Variants in MPV17L observed in about 807,000 individuals in gnomAD.
The protein encoded by MPV17L is mpv17-like protein.
In MPV17L, 24 loss-of-function variants were observed where a neutral mutation model predicts 25.8. The ratio of observed to expected loss-of-function variants is 0.93; its 90% CI spans 0.67 to 1.31. The LOEUF is 1.31. Ranked by LOEUF, MPV17L falls within the 50% of genes most tolerant of loss-of-function variation. The pLI is 0.00. For missense variants in MPV17L, 250 were observed against 265.6 expected (o/e 0.94, Z 0.41); for synonymous variants, 102 against 115.3 (o/e 0.88, Z 0.74).
intron 1 of MPV17L, among the ~76,000 whole-genome samples, chr16:15,398,698 C>T (rs1369162490): frequency 2.0e-5 from 3 of 151,094 alleles, no homozygotes; most frequent in African/African-American, 7.3e-5. Context: ...AAGCGATTCT[C>T]CTGCCTCTCC....
At position 15,397,450 on chromosome 16, in the gene MPV17L, T is replaced by TC. The variant is rs1210516972; in HGVS notation, c.310+1244dup. On this transcript the variant is annotated intron_variant, in intron 1 of 3. Transcript: ENST00000396385. ...GTCAGGAGGCTGTAAAACAGGCTGA[T>TC]CGCTCAAGTTGGTTAAATTCTTGTC... Among the ~76,000 whole-genome samples, 5 of 152,268 alleles carry TC rather than the reference T, an allele frequency of 3.3e-5. No individual in the cohort carries two copies. The East Asian group carries it at 9.7e-4, about 29-fold the overall frequency.
At chr16:15,407,532 G>A (rs1027935557) in intron 2 of MPV17L, among the ~76,000 whole-genome samples, 6 of 151,822 alleles carry the variant, frequency 4.0e-5, no homozygotes, top group Non-Finnish European at 8.8e-5. Context: ...ACCTGAGGTC[G>A]GGAGTTCGAG....
chr16:15,397,803 G>C (rs539343350), intron 1 of MPV17L, among the ~76,000 whole-genome samples: 1 of 121,688 alleles, frequency 8.2e-6, no homozygotes, highest in South Asian at 2.4e-4. Flanking sequence ...CCACCTGGTT[G>C]CCTGTTGTCA....
intron 2 of MPV17L, among the ~76,000 whole-genome samples, chr16:15,404,458 G>C (rs551871277): frequency 6.6e-6 from 1 of 152,296 alleles, no homozygotes; most frequent in South Asian, 2.1e-4. Flanking sequence ...CACTTTGGGA[G>C]GCTGAAGCAG....
In MPV17L at chr16:15,407,861, C is replaced by G. The variant is rs763391285; in HGVS notation, c.411+8C>G. ...TACTGGCCCTTTGTACAGGTAAGTT[C>G]CACCTACTCAGTAATATGAACTCAG... On this transcript the variant is annotated splice_region_variant and intron_variant, in intron 3 of 3. Transcript: ENST00000396385. The G allele has an allele frequency of 5.6e-6, 9 of 1,612,630 alleles. No individual in the cohort carries two copies. Among genetic ancestry groups the G allele is most frequent in the Non-Finnish European group, 7.6e-6 (9 of 1,179,816 alleles).
chr16:15,408,437 A>C lies in MPV17L; in HGVS notation c.*325A>C, dbSNP rs939982708. The C allele has an allele frequency of 4.9e-6, 1 of 203,356 alleles. No individual in the cohort carries two copies. Among genetic ancestry groups the C allele is most frequent in the African/African-American group, 2.3e-5 (1 of 43,192 alleles). 12.6% of individuals were successfully genotyped at this position (203,356 alleles called of 1,614,324 possible). On this transcript the variant is annotated 3_prime_UTR_variant, in exon 4 of 4. Transcript: ENST00000396385. Reference sequence around the variant, plus strand: ...TTTTGATTGTTCACATTTCTATTCTAAAATCTCAGGTTATCTCCTGAACAC... The same window carrying C: ...TTTTGATTGTTCACATTTCTATTCTCAAATCTCAGGTTATCTCCTGAACAC...
intron 2 of MPV17L, among the ~76,000 whole-genome samples, chr16:15,406,730 A>C (rs2050683548): frequency 6.6e-6 from 1 of 152,146 alleles, no homozygotes; most frequent in South Asian, 2.1e-4. Context: ...GTTCAAGACC[A>C]GCCTGGCCAA....
At chr16:15,398,846 G>A (rs1045208892) in intron 1 of MPV17L, among the ~76,000 whole-genome samples, 5 of 151,860 alleles carry the variant, frequency 3.3e-5, no homozygotes, top group African/African-American at 4.8e-5. Flanking sequence ...TGCCCACCTC[G>A]GTCTCCCAAA....
At chr16:15,398,505 C>A (rs2050606264) in intron 1 of MPV17L, among the ~76,000 whole-genome samples, 1 of 152,070 alleles carries the variant, frequency 6.6e-6, no homozygotes, top group Non-Finnish European at 1.5e-5. Context: ...AAGACTTGAA[C>A]CTAAGTCCAG....
rs1441160158 is a variant in MPV17L, at chr16:15,408,628, G to A, written c.*516G>A. ...TTTTTTTTTTTTTTTTTTTTGTGGT[G>A]GAGTCTTGCTGTCTCCCCGGCTGGA... On this transcript the variant is annotated 3_prime_UTR_variant, in exon 4 of 4. Transcript: ENST00000396385. 1.0e-5 allele frequency: 1 copy of A among 98,544 alleles called. No individual in the cohort carries two copies. Among genetic ancestry groups the A allele is most frequent in the African/African-American group, 4.0e-5 (1 of 24,728 alleles). The allele number at this position is 98,544 out of a possible 1,614,324, so 6.1% of individuals were successfully genotyped here. A position where few individuals can be genotyped will look rare whatever the true frequency, so the allele number is the denominator to read the frequency against.
Position 15,403,059 on chromosome 16 carries a change from C to CT in MPV17L, c.381+2220dup, listed in dbSNP as rs756233326. Among the ~76,000 whole-genome samples, 731 of 139,524 alleles carry CT rather than the reference C, an allele frequency of 5.2e-3. 2 individuals carry two copies. Among genetic ancestry groups the CT allele is most frequent in the African/African-American group, 0.012 (453 of 38,128 alleles). The allele number at this position is 139,524 out of a possible 152,430, so 91.5% of individuals were successfully genotyped here. A position where few individuals can be genotyped will look rare whatever the true frequency, so the allele number is the denominator to read the frequency against. Reference sequence around the variant, plus strand: ...AGTCTATGGAGATATGTACATCTAACTTTTTTTTTTTTTTTTTTAAAGAGC... The same window carrying CT: ...AGTCTATGGAGATATGTACATCTAACTTTTTTTTTTTTTTTTTTTAAAGAGC... On this transcript the variant is annotated intron_variant, in intron 2 of 3. Coordinates refer to ENST00000396385, the MANE Select transcript of MPV17L (RefSeq NM_001128423.2).
rs777281039 is a variant in MPV17L, at chr16:15,400,809, G to A, written c.333G>A (p.Lys111=). The change falls in exon 2 of 4, where the codon AAG becomes AAA. Residue 111 remains lysine, a synonymous_variant. Coordinates refer to ENST00000396385, the MANE Select transcript of MPV17L (RefSeq NM_001128423.2). ...FYVGMSILQG[K]DDIFLDLKQK... ...TAGGTATGAGCATTCTCCAAGGAAA[G>A]GATGACATATTTTTGGACCTGAAAC... The A allele has an allele frequency of 2.5e-5, 40 of 1,603,806 alleles. No individual in the cohort carries two copies. The highest frequency in any genetic ancestry group is 3.2e-5 in the Non-Finnish European group (38 of 1,175,576).
At position 15,395,796 on chromosome 16, in the gene MPV17L, C is replaced by G; in HGVS notation, c.-102C>G. The G allele has an allele frequency of 9.3e-7, 1 of 1,078,406 alleles. No individual in the cohort carries two copies. The highest frequency in any genetic ancestry group is 3.2e-4 in the Middle Eastern group (1 of 3,124). 66.8% of individuals were successfully genotyped at this position (1,078,406 alleles called of 1,614,324 possible). On this transcript the variant is annotated 5_prime_UTR_variant, in exon 1 of 4. Coordinates refer to ENST00000396385, the MANE Select transcript of MPV17L (RefSeq NM_001128423.2). ...TGGAGGGGGCAGATGCAGGTGCCGGCTGCTGCAGTGCAGTAGCTGCTGGAG... is the reference window on the plus strand; with the variant it reads ...TGGAGGGGGCAGATGCAGGTGCCGGGTGCTGCAGTGCAGTAGCTGCTGGAG...
rs1442234743 is a variant in MPV17L at position 15,399,093 on chromosome 16, A to AATCAGAC, written c.311-1693_311-1692insTCAGACA. On this transcript the variant is annotated intron_variant, in intron 1 of 3. Transcript: ENST00000396385. ...GCTTGGGAATCAGACACCTGGGTTG[A>AATCAGAC]ACTCTGTCCGCTATTAACCTCTCTA... Among the ~76,000 whole-genome samples the AATCAGAC allele has an allele frequency of 3.2e-4, 44 of 136,676 alleles. No individual in the cohort carries two copies. In the South Asian group the frequency reaches 0.01, roughly 32 times the overall value. The allele number at this position is 136,676 out of a possible 152,430, so 89.7% of individuals were successfully genotyped here.
intron 2 of MPV17L, among the ~76,000 whole-genome samples, chr16:15,403,236 G>A (rs1393289236): frequency 6.6e-6 from 1 of 151,790 alleles, no homozygotes; most frequent in Non-Finnish European, 1.5e-5. Context: ...GGGCATGGTG[G>A]CACAAGCCTG....
At chr16:15,404,231 A>G (rs1041864065) in intron 2 of MPV17L, among the ~76,000 whole-genome samples, 1 of 152,174 alleles carries the variant, frequency 6.6e-6, no homozygotes, top group African/African-American at 2.4e-5. Flanking sequence ...CCTGGAGGGG[A>G]GAAACCACAG....
chr16:15,406,871 A>G (rs1443156424), intron 2 of MPV17L, among the ~76,000 whole-genome samples: 1 of 152,168 alleles, frequency 6.6e-6, no homozygotes, highest in East Asian at 1.9e-4. Context: ...TGTTGCAGTG[A>G]GCCAAGATCT....
At chr16:15,400,068 G>T (rs2050619911) in intron 1 of MPV17L, among the ~76,000 whole-genome samples, 1 of 152,138 alleles carries the variant, frequency 6.6e-6, no homozygotes, top group African/African-American at 2.4e-5. Context: ...CTCCCAAAGT[G>T]CTGGGATTAC....
At chr16:15,407,050 CAT>C (rs1703634433) in intron 2 of MPV17L, among the ~76,000 whole-genome samples, 1 of 149,306 alleles carries the variant, frequency 6.7e-6, no homozygotes, top group African/African-American at 2.5e-5. Context: ...GCCTGGGCAA[CAT>C]AGAGATACCA....
Sources: gnomAD v4.1 joint callset for allele counts (sites outside exome capture counted in the v4.1 genomes callset) on GRCh38, gnomAD v4.1.1 for gene constraint, MANE v1.5 for transcripts, NCBI Gene and HGNC (gene_info 2026-07-23, HGNC 2026-07-21) for gene names.